Variants in ACOXL observed in about 807,000 individuals in gnomAD.
ACOXL encodes acyl-CoA oxidase like.
ACOXL carries 70 observed loss-of-function variants against 71.9 expected under a neutral mutation model. The observed-to-expected ratio is 0.97, with a 90% confidence interval of 0.80 to 1.19. ACOXL has a LOEUF of 1.19. Ranked by LOEUF, ACOXL falls within the 50% of genes most tolerant of loss-of-function variation. The pLI, the probability that ACOXL is intolerant of heterozygous loss-of-function variation, is 0.00. For missense variants in ACOXL, 703 were observed against 736.3 expected (o/e 0.95, Z 0.52); for synonymous variants, 253 against 281.6 (o/e 0.90, Z 1.02).
intron 10 of ACOXL, among the ~76,000 whole-genome samples, chr2:110,843,176 C>T (rs1691384235): frequency 6.6e-6 from 1 of 152,198 alleles, no homozygotes; most frequent in Non-Finnish European, 1.5e-5. Context: ...TAAGATCTTG[C>T]TCTAGTTCAG....
At chr2:110,863,659 G>A (rs755798221) in intron 10 of ACOXL, among the ~76,000 whole-genome samples, 4 of 152,040 alleles carry the variant, frequency 2.6e-5, no homozygotes, top group Non-Finnish European at 5.9e-5. Flanking sequence ...GAGATGGGTG[G>A]GACACATTCC....
At chr2:111,010,643 C>T (rs10181859) in intron 14 of ACOXL, among the ~76,000 whole-genome samples, 55,418 of 151,898 alleles carry the variant, frequency 0.36, 10,845 homozygotes, top group African/African-American at 0.5. Flanking sequence ...AAGAGCCCAT[C>T]ATAGTATAAT....
chr2:111,083,414 G>A (rs1169053426), intron 16 of ACOXL, among the ~76,000 whole-genome samples: 1 of 152,104 alleles, frequency 6.6e-6, no homozygotes, highest in South Asian at 2.1e-4. Flanking sequence ...GGTACAGGGG[G>A]TAAAGTCCAG....
At chr2:110,872,808 G>A (rs906997996) in intron 10 of ACOXL, among the ~76,000 whole-genome samples, 9 of 152,182 alleles carry the variant, frequency 5.9e-5, no homozygotes, top group African/African-American at 2.2e-4. Flanking sequence ...AGTGCTGGGG[G>A]ATAGGGTCTA....
At chr2:110,824,862 C>T (rs141821864) in intron 9 of ACOXL, among the ~76,000 whole-genome samples, 4 of 152,038 alleles carry the variant, frequency 2.6e-5, no homozygotes, top group South Asian at 2.1e-4. Flanking sequence ...TACATTTTCC[C>T]GATTCTTTGT....
At chr2:110,810,529 C>T (rs1180429922) in intron 9 of ACOXL, among the ~76,000 whole-genome samples, 1 of 151,846 alleles carries the variant, frequency 6.6e-6, no homozygotes, top group Non-Finnish European at 1.5e-5. Context: ...CCCATCCATC[C>T]ACCCATCCAT....
intron 10 of ACOXL, among the ~76,000 whole-genome samples, chr2:110,848,698 G>C (rs991588718): frequency 2.0e-5 from 3 of 152,094 alleles, no homozygotes; most frequent in Non-Finnish European, 4.4e-5. Context: ...TTGTGCTTTT[G>C]GTGCCTTCTG....
At chr2:111,034,677 G>A (rs1280264637) in intron 15 of ACOXL, among the ~76,000 whole-genome samples, 1 of 152,190 alleles carries the variant, frequency 6.6e-6, no homozygotes, top group African/African-American at 2.4e-5. Flanking sequence ...GTAATGAGGA[G>A]GTCTGTACAG....
chr2:111,078,253 A>G (rs912181722), intron 16 of ACOXL, among the ~76,000 whole-genome samples: 9 of 151,600 alleles, frequency 5.9e-5, no homozygotes, highest in Admixed American at 2.6e-4. Context: ...ATTCTCTTTT[A>G]TGTTTTATAT....
At chr2:111,001,393 A>G (rs2063620310) in intron 14 of ACOXL, among the ~76,000 whole-genome samples, 1 of 63,468 alleles carries the variant, frequency 1.6e-5, no homozygotes, top group Non-Finnish European at 3.2e-5. Context: ...GGAGAAAAAC[A>G]AAACAAAACA....
At chr2:111,108,200 A>G (rs894474093) in intron 17 of ACOXL, among the ~76,000 whole-genome samples, 1 of 152,066 alleles carries the variant, frequency 6.6e-6, no homozygotes, top group South Asian at 2.1e-4. Flanking sequence ...GCTGAAAGTT[A>G]CCCTTTAAAT....
intron 10 of ACOXL, chr2:110,887,896 T>A (rs1161813290): frequency 6.6e-6 from 1 of 152,228 alleles, no homozygotes; most frequent in Non-Finnish European, 1.5e-5. Flanking sequence ...GCTCTCTTGC[T>A]GACATTGGAG....
chr2:110,780,100 A>G (rs913926341), intron 2 of ACOXL, among the ~76,000 whole-genome samples: 4 of 152,246 alleles, frequency 2.6e-5, no homozygotes, highest in African/African-American at 9.6e-5. Context: ...TTCCCATACT[A>G]TATAAAAATC....
intron 1 of ACOXL, among the ~76,000 whole-genome samples, chr2:110,736,818 C>T (rs77131833): frequency 0.013 from 2,017 of 152,270 alleles, 142 homozygotes; most frequent in Admixed American, 0.11. Flanking sequence ...GACGGGGTTT[C>T]ATCACGTTAG....
At chr2:110,833,088 CAT>C (rs1191277075) in intron 9 of ACOXL, among the ~76,000 whole-genome samples, 2 of 152,168 alleles carry the variant, frequency 1.3e-5, no homozygotes, top group Admixed American at 6.5e-5. Flanking sequence ...AGAAATGAAA[CAT>C]ATTTTTTTCC....
chr2:110,872,423 C>T (rs1481261530), intron 10 of ACOXL, among the ~76,000 whole-genome samples: 3 of 152,168 alleles, frequency 2.0e-5, no homozygotes, highest in Admixed American at 6.5e-5. Flanking sequence ...GAGGCTAGTG[C>T]GTATATATAG....
chr2:110,949,100 A>G (rs1470663891), intron 12 of ACOXL, among the ~76,000 whole-genome samples: 1 of 152,238 alleles, frequency 6.6e-6, no homozygotes, highest in African/African-American at 2.4e-5. Context: ...AGCTGAGTCC[A>G]GCTGGCTGGG....
intron 10 of ACOXL, among the ~76,000 whole-genome samples, chr2:110,862,472 A>G (rs1444382960): frequency 6.6e-6 from 1 of 152,148 alleles, no homozygotes; most frequent in Non-Finnish European, 1.5e-5. Flanking sequence ...TCTCTAAAAC[A>G]ATAATAAAAA....
intron 13 of ACOXL, among the ~76,000 whole-genome samples, chr2:110,989,581 G>C (rs907960150): frequency 6.6e-6 from 1 of 152,194 alleles, no homozygotes; most frequent in Admixed American, 6.5e-5. Flanking sequence ...CGTAGAGATA[G>C]AAAGTAGAAT....
Sources: allele counts gnomAD v4.1 joint callset (sites outside exome capture counted in the v4.1 genomes callset), GRCh38; gene constraint gnomAD v4.1.1; transcripts MANE v1.5; gene names NCBI Gene and HGNC (gene_info 2026-07-23, HGNC 2026-07-21).